The following PLEKHG1 variants were observed in gnomAD, a reference collection of about 807,000 sequenced individuals.
PLEKHG1 encodes pleckstrin homology domain-containing family G member 1.
In PLEKHG1, 44 loss-of-function variants were observed where a neutral mutation model predicts 100.8. That is an observed-to-expected ratio of 0.44 (90% CI 0.34 to 0.56). The LOEUF is 0.56. Among genes scored for constraint, PLEKHG1 ranks in the 20% least tolerant of loss-of-function variants. The pLI is 0.01. For synonymous variants in PLEKHG1, 640 were observed against 662.5 expected, an observed-to-expected ratio of 0.97 and a Z score of 0.52; for missense variants, 1,545 against 1,720.9, an observed-to-expected ratio of 0.90 and a Z score of 1.81.
chr6:150,674,425 C>G (rs978712742), intron 3 of PLEKHG1, among the ~76,000 whole-genome samples: 5 of 152,208 alleles, frequency 3.3e-5, no homozygotes, highest in African/African-American at 9.6e-5. Context: ...AGTCCAAGCT[C>G]TCTTCTCTTT....
intron 2 of PLEKHG1, among the ~76,000 whole-genome samples, chr6:150,645,231 T>A (rs980242937): frequency 6.6e-6 from 1 of 152,172 alleles, no homozygotes; most frequent in South Asian, 2.1e-4. Context: ...AAGAATAAAT[T>A]AGTAAATGAC....
chr6:150,751,712 G>T (rs1042104343), intron 2 of PLEKHG1, among the ~76,000 whole-genome samples: 1 of 152,112 alleles, frequency 6.6e-6, no homozygotes, highest in Non-Finnish European at 1.5e-5. Context: ...CAGCACCAAG[G>T]AGCCAGAGGA....
chr6:150,821,835 TTTTTTTTTA>T (rs1776317430), intron 13 of PLEKHG1, among the ~76,000 whole-genome samples: 1 of 150,430 alleles, frequency 6.6e-6, no homozygotes, highest in South Asian at 2.1e-4. Context: ...CTCTTTTATT[TTTTTTTTTA>T]TTTTTTTATT....
chr6:150,698,446 A>G (rs1233416548), intron 3 of PLEKHG1, among the ~76,000 whole-genome samples: 1 of 152,210 alleles, frequency 6.6e-6, no homozygotes, highest in African/African-American at 2.4e-5. Context: ...AGTTGTTAGC[A>G]TATAAAGGGT....
At chr6:150,795,940 C>T (rs760750348) in intron 5 of PLEKHG1, 38 bp downstream of exon 6, 11 of 1,347,268 alleles carry the variant, frequency 8.2e-6, no homozygotes, top group South Asian at 1.2e-5. Context: ...CTTTTGTTCA[C>T]TTTCACATTG....
chr6:150,624,947 T>C (rs1777450350), intron 1 of PLEKHG1: 1 of 152,174 alleles, frequency 6.6e-6, no homozygotes, highest in Non-Finnish European at 1.5e-5. Context: ...TCCCAACACT[T>C]TGGGAGGCCA....
At chr6:150,825,265 G>A (rs1776533796) in intron 14 of PLEKHG1, among the ~76,000 whole-genome samples, 1 of 152,168 alleles carries the variant, frequency 6.6e-6, no homozygotes, top group Admixed American at 6.5e-5. Context: ...AAGGAGAGCA[G>A]ATTTACTGAT....
Position 150,765,551 on chromosome 6 carries a change from T to A in PLEKHG1, c.412-3087T>A, listed in dbSNP as rs74933407. ...AGAAGAAGGGAAGTGCAGGAGCTAT[T>A]AACTAACCTATTTCCGGGCATCTCA... On this transcript the variant is annotated intron_variant, in intron 2 of 15. Transcript: ENST00000358517. 1.3e-3 allele frequency among the ~76,000 whole-genome samples: 195 copies of A among 152,078 alleles called. 1 individual carries two copies. The highest frequency in any genetic ancestry group is 2.9e-3 in the Admixed American group (45 of 15,256).
At position 150,640,585 on chromosome 6, in the gene PLEKHG1, A is replaced by G. The variant is rs115929682; in HGVS notation, c.-158+2460A>G. ...ATTTATATATCATCCGGACTCTCCCACGCAAAACCCTGCTTGGAATACCCA... is the reference window on the plus strand; with the variant it reads ...ATTTATATATCATCCGGACTCTCCCGCGCAAAACCCTGCTTGGAATACCCA... On this transcript the variant is annotated intron_variant, in intron 2 of 3. Transcript: ENST00000367326. Among the ~76,000 whole-genome samples the G allele has an allele frequency of 6.8e-3, 1,028 of 152,266 alleles. 11 individuals are homozygous for G. Among genetic ancestry groups the G allele is most frequent in the African/African-American group, 0.024 (986 of 41,528 alleles).
At chr6:150,661,036 G>A (rs750561651) in intron 3 of PLEKHG1, among the ~76,000 whole-genome samples, 1 of 152,156 alleles carries the variant, frequency 6.6e-6, no homozygotes, top group Non-Finnish European at 1.5e-5. Flanking sequence ...GGTCAAGGAG[G>A]GGGAGTGAAT....
At chr6:150,706,998 C>CTTTTTT (rs71014517) in intron 3 of PLEKHG1, among the ~76,000 whole-genome samples, 99 of 51,878 alleles carry the variant, frequency 1.9e-3, no homozygotes, top group African/African-American at 5.2e-3. Flanking sequence ...TTTTCTTTTT[C>CTTTTTT]TTTTTTTTTT....
intron 2 of PLEKHG1, among the ~76,000 whole-genome samples, chr6:150,752,293 ATAAC>A (rs1783566418): frequency 6.6e-6 from 1 of 152,242 alleles, no homozygotes; most frequent in Non-Finnish European, 1.5e-5. Context: ...GAAGACATAC[ATAAC>A]TTAAAACTTA....
intron 2 of PLEKHG1, among the ~76,000 whole-genome samples, chr6:150,641,876 CAA>C (rs71554473): frequency 0.14 from 11,069 of 76,790 alleles, 265 homozygotes; most frequent in South Asian, 0.24. Context: ...TGTGAAAAGG[CAA>C]AAAAAAAAAA....
chr6:150,800,317 C>G (rs1344707543), intron 5 of PLEKHG1, among the ~76,000 whole-genome samples: 1 of 152,152 alleles, frequency 6.6e-6, no homozygotes, highest in East Asian at 1.9e-4. Flanking sequence ...ACAAAAAGTG[C>G]CTAGTCTTTA....
intron 1 of PLEKHG1, among the ~76,000 whole-genome samples, chr6:150,606,906 C>G (rs1776624226): frequency 6.6e-6 from 1 of 152,106 alleles, no homozygotes; most frequent in Admixed American, 6.5e-5. Context: ...CCTCTCCCAA[C>G]TCTGCTAGGG....
At chr6:150,695,874 C>T (rs560496602) in intron 3 of PLEKHG1, among the ~76,000 whole-genome samples, 35 of 152,118 alleles carry the variant, frequency 2.3e-4, no homozygotes, top group Middle Eastern at 3.4e-3. Context: ...GATTTTGTGT[C>T]GTAAATAGCT....
intron 2 of PLEKHG1, among the ~76,000 whole-genome samples, chr6:150,748,779 T>A (rs1482040313): frequency 6.6e-6 from 1 of 151,408 alleles, no homozygotes; most frequent in African/African-American, 2.4e-5. Flanking sequence ...ACCCCCACCA[T>A]GCCCGGCTAA....
At chr6:150,809,768 G>A in intron 10 of PLEKHG1, 34 bp downstream of exon 11, 1 of 1,509,642 alleles carries the variant, frequency 6.6e-7, no homozygotes, top group Non-Finnish European at 9.2e-7. Context: ...TGAAATGGGA[G>A]AGAGATACAA....
At chr6:150,799,925 C>G (rs1226731337) in intron 5 of PLEKHG1, among the ~76,000 whole-genome samples, 4 of 152,214 alleles carry the variant, frequency 2.6e-5, no homozygotes, top group Non-Finnish European at 5.9e-5. Context: ...AAGCCGTTAG[C>G]TGGCTTTGTG....
Sources: gnomAD v4.1 joint callset for allele counts (sites outside exome capture counted in the v4.1 genomes callset) on GRCh38, gnomAD v4.1.1 for gene constraint, MANE v1.5 for transcripts, NCBI Gene and HGNC (gene_info 2026-07-23, HGNC 2026-07-21) for gene names.